The following NARS1 variants were observed in gnomAD, a reference collection of about 807,000 sequenced individuals.
The protein encoded by NARS1 is asparaginyl-tRNA synthetase 1.
A neutral mutation model predicts 79.2 loss-of-function variants in NARS1; 65 were observed. The ratio of observed to expected loss-of-function variants is 0.82; its 90% CI spans 0.67 to 1.01. NARS1 has a LOEUF of 1.01. NARS1 is among the 50% of genes least tolerant of loss of function. The pLI, the probability that NARS1 is intolerant of heterozygous loss-of-function variation, is 0.00. For missense variants in NARS1, 649 were observed against 673.8 expected, an observed-to-expected ratio of 0.96 and a Z score of 0.41; for synonymous variants, 229 against 238.8, an observed-to-expected ratio of 0.96 and a Z score of 0.38.
At chr18:57,618,515 C>T (rs1481671516) in intron 2 of NARS1, among the ~76,000 whole-genome samples, 2 of 152,166 alleles carry the variant, frequency 1.3e-5, no homozygotes, top group African/African-American at 2.4e-5. Context: ...ATTCTGCAAA[C>T]GTTCATCTAA....
intron 12 of NARS1, 23 bp downstream of exon 12, chr18:57,602,789 T>C (rs1369691688): frequency 1.9e-6 from 3 of 1,612,594 alleles, no homozygotes; most frequent in Non-Finnish European, 2.5e-6. Context: ...AAATTATTAA[T>C]ACTCTTTGAA....
intron 11 of NARS1, among the ~76,000 whole-genome samples, chr18:57,604,072 G>A (rs951503766): frequency 6.6e-6 from 1 of 152,238 alleles, no homozygotes. Flanking sequence ...TAAGGAACCT[G>A]AGAGGGGGTC....
intron 5 of NARS1, among the ~76,000 whole-genome samples, chr18:57,612,038 T>A (rs2051608579): frequency 6.6e-6 from 1 of 152,138 alleles, no homozygotes; most frequent in African/African-American, 2.4e-5. Context: ...ATTACAGGTG[T>A]GAGCCACTGC....
intron 6 of NARS1, 84 bp downstream of exon 6, chr18:57,611,553 T>C (rs2051604881): frequency 2.2e-6 from 2 of 895,700 alleles, no homozygotes; most frequent in Admixed American, 2.8e-5. Context: ...ACATAATAAA[T>C]GTTTTAAATA....
chr18:57,613,739 T>C (rs1055837283), intron 4 of NARS1, 59 bp from the exon 5 acceptor site: 15 of 1,376,532 alleles, frequency 1.1e-5, no homozygotes, highest in Middle Eastern at 1.8e-4. Context: ...CACCAACTTT[T>C]TCACTAATAT....
intron 9 of NARS1, 161 bp from the exon 10 acceptor site, chr18:57,606,912 C>A: frequency 2.1e-6 from 2 of 963,878 alleles, no homozygotes; most frequent in Non-Finnish European, 3.0e-6. Flanking sequence ...CACTGAGTAG[C>A]AATTTCTTGT....
At chr18:57,617,395 A>AC (rs990726489) in intron 2 of NARS1, among the ~76,000 whole-genome samples, 9 of 150,918 alleles carry the variant, frequency 6.0e-5, no homozygotes, top group African/African-American at 2.0e-4. Context: ...ACATGGTGAA[A>AC]CCCCGTCTCC....
intron 13 of NARS1, 110 bp from the exon 14 acceptor site, chr18:57,601,893 A>T (rs1160457549): frequency 1.2e-5 from 14 of 1,175,160 alleles, no homozygotes; most frequent in Non-Finnish European, 1.4e-5. Flanking sequence ...TGTGGTTAAG[A>T]ATTCAACTAT....
chr18:57,615,658 G>T lies in NARS1; in HGVS notation c.325C>A (p.Leu109Ile), dbSNP rs1348611654. 1 of 1,611,904 alleles carries T rather than the reference G, an allele frequency of 6.2e-7. No homozygotes were observed. The highest frequency in any genetic ancestry group is 1.1e-5 in the South Asian group (1 of 90,812). The change falls in exon 4 of 14, where the codon CTC (leucine) becomes ATC (isoleucine). Residue 109 changes from leucine (L) to isoleucine (I), a missense_variant. Transcript: ENST00000256854. ...KKITIKNDPSLPEPKCVKIGA... is the reference protein window; with the variant it reads ...KKITIKNDPSIPEPKCVKIGA... ...AAACTTACACATTTTGGCTCTGGGA[G>T]ACTTGGATCATTTTTAATGGTAATC...
intron 11 of NARS1, 93 bp from the exon 12 acceptor site, chr18:57,603,036 C>G (rs1231083968): frequency 7.9e-7 from 1 of 1,265,622 alleles, no homozygotes; most frequent in Non-Finnish European, 1.1e-6. Context: ...TTCCTCCTAT[C>G]AATTCAACAG....
At chr18:57,606,351 AAAAT>A (rs1224175333) in intron 10 of NARS1, among the ~76,000 whole-genome samples, 6 of 31,994 alleles carry the variant, frequency 1.9e-4, no homozygotes, top group African/African-American at 4.9e-4. Context: ...TCTCAAAAAA[AAAAT>A]ATATATATAT....
intron 11 of NARS1, 54 bp from the exon 12 acceptor site, chr18:57,602,997 G>C (rs1380591873): frequency 6.3e-7 from 1 of 1,593,798 alleles, no homozygotes; most frequent in Non-Finnish European, 8.6e-7. Context: ...CAACAAGACA[G>C]AAGCAGCTCC....
chr18:57,607,405 A>G (rs2051567689), intron 8 of NARS1, 39 bp downstream of exon 8: 2 of 1,610,902 alleles, frequency 1.2e-6, no homozygotes, highest in East Asian at 4.5e-5. Context: ...AAACGGCAAA[A>G]AACATATTCT....
chr18:57,602,946 G>A lies in NARS1; in HGVS notation c.1252-3C>T. On this transcript the variant is annotated splice_region_variant and splice_polypyrimidine_tract_variant and intron_variant, in intron 11 of 13. Transcript: ENST00000256854. Reference sequence around the variant, plus strand: ...CTCTCAGGAGCTTCTGGGATATCCTGAGGTCAAACAAGACTTCATTAACAT... The same window carrying A: ...CTCTCAGGAGCTTCTGGGATATCCTAAGGTCAAACAAGACTTCATTAACAT... 2 of 1,613,934 alleles carry A rather than the reference G, an allele frequency of 1.2e-6. No individual in the cohort carries two copies. The highest frequency in any genetic ancestry group is 1.7e-6 in the Non-Finnish European group (2 of 1,179,912).
rs2051569182 is a variant in NARS1 at position 57,607,524 on chromosome 18, T to G, written c.721A>C (p.Asn241His). 1 of 1,614,052 alleles carries G rather than the reference T, an allele frequency of 6.2e-7. No homozygotes were observed. The highest frequency in any genetic ancestry group is 8.5e-7 in the Non-Finnish European group (1 of 1,180,042). Reference sequence around the variant, plus strand: ...CGTGCTTTTAGGATTTTGGACATGTTTTCTCCTCGGATCATCATGTGTCTG... The same window carrying G: ...CGTGCTTTTAGGATTTTGGACATGTGTTCTCCTCGGATCATCATGTGTCTG... Reference protein sequence around the residue: ...NNRHMMIRGENMSKILKARSM... With the variant: ...NNRHMMIRGEHMSKILKARSM... The change falls in exon 8 of 14, where the codon AAC (asparagine) becomes CAC (histidine). Residue 241 changes from asparagine to histidine, a missense_variant. By Grantham distance (68) the Asn-to-His change is moderately conservative. Coordinates refer to ENST00000256854, the MANE Select transcript of NARS1 (RefSeq NM_004539.4).
At chr18:57,620,442 C>T in intron 2 of NARS1, 127 bp downstream of exon 2, 1 of 644,046 alleles carries the variant, frequency 1.6e-6, no homozygotes, top group African/African-American at 1.8e-5. Flanking sequence ...GCATTCCTTA[C>T]TTTCCCTTTT....
chr18:57,613,881 T>C (rs1178512236), intron 4 of NARS1, among the ~76,000 whole-genome samples: 1 of 152,190 alleles, frequency 6.6e-6, no homozygotes, highest in Non-Finnish European at 1.5e-5. Context: ...AAAATCCAAG[T>C]CTTCTTTCTT....
Position 57,611,511 on chromosome 18 carries a change from G to A in NARS1, c.492+126C>T, listed in dbSNP as rs1031475417. On this transcript the variant is annotated intron_variant, in intron 6 of 13. Coordinates refer to ENST00000256854, the MANE Select transcript of NARS1 (RefSeq NM_004539.4). ...AAATTGCATGTTTATGGTATACAAT[G>A]TGATGTTTTGATTCATTGACATTCA... The A allele has an allele frequency of 4.9e-6, 3 of 610,034 alleles. No homozygotes were observed. The African/African-American group carries it at 6.0e-5, about 12-fold the overall frequency. 37.8% of individuals were successfully genotyped at this position (610,034 alleles called of 1,614,324 possible). A position where few individuals can be genotyped will look rare whatever the true frequency, so the allele number is the denominator to read the frequency against.
intron 7 of NARS1, 46 bp from the exon 8 acceptor site, chr18:57,607,711 T>A: frequency 1.4e-6 from 2 of 1,447,916 alleles, no homozygotes; most frequent in Non-Finnish European, 1.9e-6. Flanking sequence ...GAAAAGGAAA[T>A]AAAAAATTAA....
Sources: gnomAD v4.1 joint callset for allele counts (sites outside exome capture counted in the v4.1 genomes callset) on GRCh38, gnomAD v4.1.1 for gene constraint, MANE v1.5 for transcripts, NCBI Gene and HGNC (gene_info 2026-07-23, HGNC 2026-07-21) for gene names.